ZNF142: variants seen among roughly 807,000 people sequenced by gnomAD.
ZNF142 encodes zinc finger protein 142.
A neutral mutation model predicts 132.1 loss-of-function variants in ZNF142; 96 were observed. That is an observed-to-expected ratio of 0.73 (90% CI 0.62 to 0.86). ZNF142 has a LOEUF of 0.86. Ranked by LOEUF, ZNF142 falls within the 40% of genes least tolerant of loss-of-function variation. ZNF142 has a pLI of 0.00. For synonymous variants in ZNF142, 842 were observed against 890.1 expected, an observed-to-expected ratio of 0.95 and a Z score of 0.96; for missense variants, 2,163 against 2,336.2, an observed-to-expected ratio of 0.93 and a Z score of 1.53.
At chr2:218,652,481 C>T (rs1260532682) in intron 4 of ZNF142, among the ~76,000 whole-genome samples, 181 bp from the exon 5 acceptor site, 1 of 152,126 alleles carries the variant, frequency 6.6e-6, no homozygotes, top group East Asian at 1.9e-4. Context: ...CTATCTGGCA[C>T]GTGTGTTTGG....
At position 218,640,557 on chromosome 2, in the gene ZNF142, T is replaced by C. The variant is rs537010827; in HGVS notation, c.5194+107A>G. ...CCCACCCTGCTGTCTACTCCCAATG[T>C]GAAATTGATGTTGGCCCTGAATTGG... On this transcript the variant is annotated intron_variant, in intron 10 of 10. Transcript: ENST00000411696. 9.4e-6 allele frequency: 9 copies of C among 957,014 alleles called. No individual in the cohort carries two copies. In the African/African-American group the frequency reaches 9.6e-5, roughly 10 times the overall value. 59.3% of individuals were successfully genotyped at this position (957,014 alleles called of 1,614,324 possible). A position where few individuals can be genotyped will look rare whatever the true frequency, so the allele number is the denominator to read the frequency against.
At position 218,655,672 on chromosome 2, in the gene ZNF142, C is replaced by T. The variant is rs994520304; in HGVS notation, c.280+478G>A. ...ACCAGGCCTCAACTCTTATTCTTAA[C>T]AACATGCCTCGGATGAGTAAAGTAT... On this transcript the variant is annotated intron_variant, in intron 4 of 10. Coordinates refer to ENST00000411696, the MANE Select transcript of ZNF142 (RefSeq NM_001379659.1). 2.0e-5 allele frequency among the ~76,000 whole-genome samples: 3 copies of T among 152,240 alleles called. No homozygotes were observed. In the East Asian group the frequency reaches 5.8e-4, roughly 29 times the overall value.
intron 4 of ZNF142, among the ~76,000 whole-genome samples, chr2:218,654,030 G>A (rs1230706549): frequency 6.6e-6 from 1 of 151,990 alleles, no homozygotes; most frequent in African/African-American, 2.4e-5. Context: ...AAATTTTTTT[G>A]TAGAGATGGG....
At chr2:218,650,602 G>A (rs912260628) in intron 5 of ZNF142, 76 bp from the exon 6 acceptor site, 18 of 1,369,090 alleles carry the variant, frequency 1.3e-5, no homozygotes, top group Middle Eastern at 4.1e-4. Flanking sequence ...TCTACCTACT[G>A]GCTGAAATAA....
rs757653504 is a variant in ZNF142 at position 218,644,792 on chromosome 2, C to G, written c.2324G>C (p.Cys775Ser). 2.5e-6 allele frequency: 4 copies of G among 1,614,212 alleles called. No homozygotes were observed. Among genetic ancestry groups the G allele is most frequent in the Middle Eastern group, 3.3e-4 (2 of 6,062 alleles). Residue 775 changes from cysteine to serine, a missense_variant, in exon 9 of 11, where the codon TGT becomes TCT. Cys to Ser is a moderately radical substitution (Grantham distance 112). This residue lies in a region of ZNF142 where 749 missense variants were observed against 830.3 expected (regional missense o/e 0.90). Transcript: ENST00000411696. The surrounding 1 kb of genome is among the most constrained non-coding windows in gnomAD (Gnocchi z 4.6). The part of the protein sequence containing the change: ...CKHTRLREFH[C>S]ALCDYRTFSN... ...GAAGGTGCGGTAGTCACAGAGGGCA[C>G]AGTGGAACTCACGGAGGCGGGTATG... is the stretch of plus-strand genomic sequence containing the variant.
Position 218,648,660 on chromosome 2 carries a change from G to A in ZNF142, c.1848C>T (p.Leu616=), listed in dbSNP as rs2106242230. 5.6e-6 allele frequency: 9 copies of A among 1,613,992 alleles called. No individual in the cohort carries two copies. Among genetic ancestry groups the A allele is most frequent in the Non-Finnish European group, 7.6e-6 (9 of 1,179,820 alleles). The part of the protein sequence containing the change: ...CNFATAHKRV[L]IRHMLLHTGE... Reference sequence around the variant, plus strand: ...CCGTATGTAGAAGCATGTGTCGGATGAGCACCCTCTTGTGGGCAGTGGCAA... The same window carrying A: ...CCGTATGTAGAAGCATGTGTCGGATAAGCACCCTCTTGTGGGCAGTGGCAA... Residue 616 remains leucine (L), a synonymous_variant, in exon 7 of 11, where the codon CTC becomes CTT. Coordinates refer to ENST00000411696, the MANE Select transcript of ZNF142 (RefSeq NM_001379659.1).
chr2:218,635,970 C>T lies in ZNF142; in HGVS notation c.*2369G>A, dbSNP rs780322940. ...AGTGCTGGGGAGGTGGGGGTAGGAG[C>T]ATGATTAGTTTTCCTTCTAGTCTGT... is the stretch of plus-strand genomic sequence containing the variant. On this transcript the variant is annotated 3_prime_UTR_variant, in exon 11 of 11. Coordinates refer to ENST00000411696, the MANE Select transcript of ZNF142 (RefSeq NM_001379659.1). 1.2e-6 allele frequency: 2 copies of T among 1,613,226 alleles called. No individual in the cohort carries two copies. Among genetic ancestry groups the T allele is most frequent in the South Asian group, 1.1e-5 (1 of 91,002 alleles).
rs886710456 is a variant in ZNF142 at position 218,635,406 on chromosome 2, T to C, written c.*2933A>G. On this transcript the variant is annotated 3_prime_UTR_variant, in exon 11 of 11. Coordinates refer to ENST00000411696, the MANE Select transcript of ZNF142 (RefSeq NM_001379659.1). Reference sequence around the variant, plus strand: ...CAGGCTGGAGTGCAGTGGCATGATCTTGGCTCACTGCAACCTCCGCCTCCT... The same window carrying C: ...CAGGCTGGAGTGCAGTGGCATGATCCTGGCTCACTGCAACCTCCGCCTCCT... Among the ~76,000 whole-genome samples the C allele has an allele frequency of 2.6e-5, 4 of 152,172 alleles. No individual in the cohort carries two copies. Among genetic ancestry groups the C allele is most frequent in the African/African-American group, 9.7e-5 (4 of 41,432 alleles).
chr2:218,658,415 C>T (rs1159320350), intron 3 of ZNF142, among the ~76,000 whole-genome samples: 3 of 152,044 alleles, frequency 2.0e-5, no homozygotes, highest in Admixed American at 2.0e-4. Flanking sequence ...GTGGCACACG[C>T]CTGTAATCCC....
chr2:218,649,655 T>C (rs1937801138), intron 6 of ZNF142, among the ~76,000 whole-genome samples, 196 bp from the exon 7 acceptor site: 1 of 152,238 alleles, frequency 6.6e-6, no homozygotes, highest in African/African-American at 2.4e-5. Context: ...TCACAAGGGC[T>C]TCTCAGGCCT....
At position 218,652,271 on chromosome 2, in the gene ZNF142, A is replaced by C. The variant is rs570998652; in HGVS notation, c.310T>G (p.Phe104Val). Residue 104 changes from phenylalanine (F) to valine (V), a missense_variant, in exon 5 of 11, where the codon TTC becomes GTC. Phe to Val is a conservative substitution (Grantham distance 50, BLOSUM62 -1). Coordinates refer to ENST00000411696, the MANE Select transcript of ZNF142 (RefSeq NM_001379659.1). ...GVLVKVVEVY[F>V]CERCEQSFAE... ...AAGCTCTGTTCACAGCGCTCACAGA[A>C]GTACACCTCCACCACCTTTACCAGG... The C allele has an allele frequency of 2.2e-6, 1 of 456,986 alleles. No homozygotes were observed. The highest frequency in any genetic ancestry group is 4.4e-6 in the Non-Finnish European group (1 of 227,060). The allele number at this position is 456,986 out of a possible 1,614,324, so 28.3% of individuals were successfully genotyped here.
rs1400389113 is a variant in ZNF142, at chr2:218,636,319, A to G, written c.*2020T>C. The G allele has an allele frequency of 6.2e-7, 1 of 1,614,016 alleles. No homozygotes were observed. The highest frequency in any genetic ancestry group is 2.2e-5 in the East Asian group (1 of 44,890). On this transcript the variant is annotated 3_prime_UTR_variant, in exon 11 of 11. Transcript: ENST00000411696. The stretch of plus-strand genomic sequence containing the variant: ...AACTTGCCATGCTGCGTTTTGTGGT[A>G]ATGGATTATGACTGGAAATCCCGAA...
At chr2:218,656,092 C>A (rs891037101) in intron 4 of ZNF142, 58 bp downstream of exon 4, 1 of 1,440,154 alleles carries the variant, frequency 6.9e-7, no homozygotes, top group Non-Finnish European at 9.2e-7. Flanking sequence ...TCAAAAATAA[C>A]CCAGACAAAA....
intron 6 of ZNF142, 97 bp from the exon 7 acceptor site, chr2:218,649,556 T>G: frequency 3.4e-6 from 4 of 1,168,906 alleles, no homozygotes; most frequent in Non-Finnish European, 3.5e-6. Flanking sequence ...AAACGATGTG[T>G]GGCCTCTCTG....
chr2:218,636,952 G>C lies in ZNF142; in HGVS notation c.*1387C>G. On this transcript the variant is annotated 3_prime_UTR_variant, in exon 11 of 11. Coordinates refer to ENST00000411696, the MANE Select transcript of ZNF142 (RefSeq NM_001379659.1). ...TAGAAATTCAGAGGGGCTTGGAATA[G>C]AGAAACCTAAAGAAGCATCATCCCC... 1 of 458,076 alleles carries C rather than the reference G, an allele frequency of 2.2e-6. No homozygotes were observed. The highest frequency in any genetic ancestry group is 4.4e-6 in the Non-Finnish European group (1 of 228,426). 28.4% of individuals were successfully genotyped at this position (458,076 alleles called of 1,614,324 possible). A position where few individuals can be genotyped will look rare whatever the true frequency, so the allele number is the denominator to read the frequency against.
chr2:218,656,516 TC>T, intron 3 of ZNF142, 53 bp from the exon 4 acceptor site: 1 of 1,370,732 alleles, frequency 7.3e-7, no homozygotes, highest in Non-Finnish European at 9.6e-7. Context: ...CTTACTTTCT[TC>T]CTGGCTGGCG....
At position 218,636,066 on chromosome 2, in the gene ZNF142, C is replaced by T. The variant is rs1696722833; in HGVS notation, c.*2273G>A. 6.9e-7 allele frequency: 1 copy of T among 1,451,022 alleles called. No individual in the cohort carries two copies. Among genetic ancestry groups the T allele is most frequent in the Admixed American group, 2.1e-5 (1 of 48,538 alleles). 89.9% of individuals were successfully genotyped at this position (1,451,022 alleles called of 1,614,324 possible). The stretch of plus-strand genomic sequence containing the variant: ...GGCAGTGTGGAACAGTACAAAGAAT[C>T]CTGGCTCTTCACTTAAAAGCTCCAG... On this transcript the variant is annotated 3_prime_UTR_variant, in exon 11 of 11. Coordinates refer to ENST00000411696, the MANE Select transcript of ZNF142 (RefSeq NM_001379659.1).
At position 218,633,838 on chromosome 2, in the gene ZNF142, C is replaced by T. The variant is rs1559277528; in HGVS notation, c.*4501G>A. ...GCCTGATGGACTGGCAGGTAAGTCC[C>T]AAGAAAAAAGACAAGGTAGCTAAGG... is the stretch of plus-strand genomic sequence containing the variant. On this transcript the variant is annotated 3_prime_UTR_variant, in exon 11 of 11. Coordinates refer to ENST00000411696, the MANE Select transcript of ZNF142 (RefSeq NM_001379659.1). 4 of 1,528,660 alleles carry T rather than the reference C, an allele frequency of 2.6e-6. No homozygotes were observed. The highest frequency in any genetic ancestry group is 3.6e-6 in the Non-Finnish European group (4 of 1,118,294). 94.7% of individuals were successfully genotyped at this position (1,528,660 alleles called of 1,614,324 possible). A position where few individuals can be genotyped will look rare whatever the true frequency, so the allele number is the denominator to read the frequency against.
intron 8 of ZNF142, among the ~76,000 whole-genome samples, chr2:218,645,389 T>C (rs1697647508): frequency 6.6e-6 from 1 of 152,196 alleles, no homozygotes; most frequent in Non-Finnish European, 1.5e-5. Context: ...CATGACCCAC[T>C]GTAGACTTCC....
Sources: gnomAD v4.1 joint callset for allele counts (sites outside exome capture counted in the v4.1 genomes callset) on GRCh38, gnomAD v4.1.1 for gene constraint, gnomAD v4.1.1 regional missense constraint, Gnocchi (gnomAD v3.1) non-coding constraint, MANE v1.5 for transcripts, NCBI Gene and HGNC (gene_info 2026-07-23, HGNC 2026-07-21) for gene names.